The following UGT1A7 variants were observed in gnomAD, a reference collection of about 807,000 sequenced individuals.
UGT1A7 encodes the protein UDP-glucuronosyltransferase 1A7.
Under a neutral mutation model 45.6 loss-of-function variants are expected in UGT1A7, and 33 were observed. That is an observed-to-expected ratio of 0.72 (90% confidence interval 0.55 to 0.97). The LOEUF is 0.97. UGT1A7 is among the 50% of genes least tolerant of loss of function. The probability of loss-of-function intolerance (pLI) is 0.00; values close to 1 mark genes in which losing one functional copy is unlikely to be tolerated. For missense variants in UGT1A7, 684 were observed against 666.2 expected (o/e 1.03, Z -0.29); for synonymous variants, 274 against 250.6 (o/e 1.09, Z -0.88).
chr2:233,718,650 G>A (rs762582073), intron 1 of UGT1A7: 221 of 1,506,712 alleles, frequency 1.5e-4, no homozygotes, highest in Middle Eastern at 2.4e-4. Context: ...GGCCCATAAC[G>A]AAAGGCAGTT....
chr2:233,736,247 TA>T (rs1432659624), intron 1 of UGT1A7, among the ~76,000 whole-genome samples: 1 of 152,216 alleles, frequency 6.6e-6, no homozygotes, highest in Non-Finnish European at 1.5e-5. Context: ...CTTCTCACTT[TA>T]TTTCATTAAT....
intron 1 of UGT1A7, among the ~76,000 whole-genome samples, chr2:233,728,414 C>A (rs186918599): frequency 1.4e-4 from 22 of 152,310 alleles, no homozygotes; most frequent in African/African-American, 4.8e-4. Flanking sequence ...CTTTAGATAG[C>A]AGCACCTCTT....
At chr2:233,697,735 G>A (rs1186462702) in intron 1 of UGT1A7, among the ~76,000 whole-genome samples, 1 of 151,658 alleles carries the variant, frequency 6.6e-6, no homozygotes, top group East Asian at 1.9e-4. Flanking sequence ...CTTAGTTCTG[G>A]TTTTGCTATA....
chr2:233,760,258 G>T (rs1164776908), intron 1 of UGT1A7: 1 of 1,611,202 alleles, frequency 6.2e-7, no homozygotes, highest in South Asian at 1.1e-5. Flanking sequence ...AAGTAGGAGA[G>T]GGCGAACCTC....
chr2:233,737,006 T>G (rs924545231), intron 1 of UGT1A7, among the ~76,000 whole-genome samples: 1 of 152,144 alleles, frequency 6.6e-6, no homozygotes, highest in African/African-American at 2.4e-5. Flanking sequence ...GGGACCCGCT[T>G]GAGGAGGCAG....
intron 1 of UGT1A7, among the ~76,000 whole-genome samples, chr2:233,708,991 A>G (rs551538751): frequency 6.6e-6 from 1 of 152,226 alleles, no homozygotes; most frequent in East Asian, 1.9e-4. Flanking sequence ...CGGCCGTGGC[A>G]TCCTTCTCAG....
At chr2:233,739,662 G>A (rs1426546706) in intron 1 of UGT1A7, among the ~76,000 whole-genome samples, 1 of 152,182 alleles carries the variant, frequency 6.6e-6, no homozygotes, top group African/African-American at 2.4e-5. Context: ...TACCCCCATT[G>A]TGTCTTGGAA....
intron 1 of UGT1A7, among the ~76,000 whole-genome samples, chr2:233,732,129 GTTGT>G (rs201829156): frequency 0.39 from 58,964 of 151,470 alleles, 11,923 homozygotes; most frequent in African/African-American, 0.5. Context: ...TTTTGATGAG[GTTGT>G]TTGTTTGTTT....
intron 1 of UGT1A7, among the ~76,000 whole-genome samples, chr2:233,697,907 C>G (rs570529725): frequency 6.6e-6 from 1 of 152,212 alleles, no homozygotes; most frequent in South Asian, 2.1e-4. Flanking sequence ...TCTATTGACT[C>G]CTTCTCCTAG....
intron 1 of UGT1A7, among the ~76,000 whole-genome samples, chr2:233,700,822 T>G (rs536912731): frequency 2.6e-5 from 4 of 152,262 alleles, no homozygotes; most frequent in Non-Finnish European, 4.4e-5. Flanking sequence ...GCTGCACCCA[T>G]TAACTCGTCA....
intron 1 of UGT1A7, among the ~76,000 whole-genome samples, chr2:233,703,748 A>C (rs2075751541): frequency 1.3e-5 from 2 of 152,070 alleles, no homozygotes; most frequent in Admixed American, 1.3e-4. Flanking sequence ...TTTAAATCTC[A>C]AATGTATCTT....
chr2:233,749,891 C>A (rs769638729), intron 1 of UGT1A7, among the ~76,000 whole-genome samples: 71 of 152,066 alleles, frequency 4.7e-4, no homozygotes, highest in Admixed American at 1.4e-3. Context: ...CTGAGGCTCC[C>A]CCCTCCAGCC....
At position 233,773,293 on chromosome 2, in the gene UGT1A7, A is replaced by C. The variant is rs1290134629; in HGVS notation, c.*734A>C. The C allele has an allele frequency of 1.3e-5, 2 of 152,208 alleles. No homozygotes were observed. Among genetic ancestry groups the C allele is most frequent in the African/African-American group, 4.8e-5 (2 of 41,466 alleles). The allele number at this position is 152,208 out of a possible 1,614,324, so 9.4% of individuals were successfully genotyped here. ...TAAAAATAAATTAATAAATTTATAT[A>C]AATTCTATTTAAGTGTTTTCACTGG... is the stretch of plus-strand genomic sequence containing the variant. On this transcript the variant is annotated 3_prime_UTR_variant, in exon 5 of 5. Transcript: ENST00000373426.
intron 1 of UGT1A7, among the ~76,000 whole-genome samples, chr2:233,732,631 T>C (rs1341811470): frequency 6.6e-6 from 1 of 152,240 alleles, no homozygotes; most frequent in Non-Finnish European, 1.5e-5. Context: ...TGTGGTGTTA[T>C]TTCTGAGACC....
chr2:233,715,985 CACA>C (rs577493897), intron 1 of UGT1A7, among the ~76,000 whole-genome samples: 32 of 152,180 alleles, frequency 2.1e-4, no homozygotes, highest in Non-Finnish European at 4.4e-4. Context: ...TGATTTAAAA[CACA>C]ACAAAACCCA....
At chr2:233,719,800 G>A (rs528409094) in intron 1 of UGT1A7, 47 of 1,602,562 alleles carry the variant, frequency 2.9e-5, no homozygotes, top group South Asian at 6.7e-5. Flanking sequence ...TTTTATTTTG[G>A]CTTCTTTATA....
Position 233,693,758 on chromosome 2 carries a change from G to T in UGT1A7, c.855+10966G>T. The T allele has an allele frequency of 2.5e-6, 4 of 1,614,234 alleles. No individual in the cohort carries two copies. The highest frequency in any genetic ancestry group is 3.4e-6 in the Non-Finnish European group (4 of 1,180,050). On this transcript the variant is annotated intron_variant, in intron 1 of 4. Transcript: ENST00000373426. ...AATCACCTTATATCAGAAGGTCTCT[G>T]TTTGGCTGTTAAGATATGACTTTGT...
chr2:233,688,264 A>T (rs895656410), intron 1 of UGT1A7, among the ~76,000 whole-genome samples: 1 of 152,206 alleles, frequency 6.6e-6, no homozygotes, highest in African/African-American at 2.4e-5. Context: ...TACATGGCCG[A>T]ATATTCCATT....
chr2:233,717,384 C>T (rs1271366561), intron 1 of UGT1A7, among the ~76,000 whole-genome samples: 1 of 152,240 alleles, frequency 6.6e-6, no homozygotes, highest in Non-Finnish European at 1.5e-5. Context: ...CAGACCTGCC[C>T]TCTCTGTGCC....
Sources: gnomAD v4.1 joint callset for allele counts (sites outside exome capture counted in the v4.1 genomes callset) on GRCh38, gnomAD v4.1.1 for gene constraint, MANE v1.5 for transcripts, NCBI Gene and HGNC (gene_info 2026-07-23, HGNC 2026-07-21) for gene names.